Variants in PRELID2 observed in about 807,000 individuals in gnomAD.
PRELID2 encodes PRELI domain containing 2, also known as PRELI domain-containing protein 2.
In PRELID2, 25 loss-of-function variants were observed where a neutral mutation model predicts 28.4. The ratio of observed to expected loss-of-function variants is 0.88; its 90% CI spans 0.64 to 1.23. The LOEUF is 1.23. PRELID2 is among the 50% of genes most tolerant of loss of function. PRELID2 has a pLI of 0.00. For synonymous variants in PRELID2, 76 were observed against 71.6 expected (o/e 1.06, Z -0.31); for missense variants, 201 against 214.4 (o/e 0.94, Z 0.39).
intron 1 of PRELID2, among the ~76,000 whole-genome samples, chr5:145,741,077 T>TAC: frequency 2.5e-5 from 3 of 117,928 alleles, no homozygotes; most frequent in African/African-American, 6.9e-5. Context: ...TATTTATGTA[T>TAC]AAATAAAATA....
In PRELID2 at chr5:145,741,097, AT is replaced by A. The variant is rs1177665099; in HGVS notation, n.70+23833del. Reference sequence around the variant, plus strand: ...ATGTATAAATAAAATAAATATACATATTTTATGCTTTACATATAAATATATA... The same window carrying A: ...ATGTATAAATAAAATAAATATACATATTTATGCTTTACATATAAATATATA... On this transcript the variant is annotated intron_variant and non_coding_transcript_variant, in intron 1 of 2. Coordinates refer to the PRELID2 transcript ENST00000510259. 3.6e-3 allele frequency among the ~76,000 whole-genome samples: 428 copies of A among 118,258 alleles called. 1 individual carries two copies. Among genetic ancestry groups the A allele is most frequent in the African/African-American group, 0.013 (382 of 29,362 alleles). The allele number at this position is 118,258 out of a possible 152,430, so 77.6% of individuals were successfully genotyped here. A position where few individuals can be genotyped will look rare whatever the true frequency, so the allele number is the denominator to read the frequency against.
intron 1 of PRELID2, among the ~76,000 whole-genome samples, chr5:145,605,002 C>T (rs1221566564): frequency 2.0e-5 from 3 of 149,044 alleles, no homozygotes; most frequent in African/African-American, 4.9e-5. Flanking sequence ...GTCCTTTGCC[C>T]ACTTTTTAAT....
the PRELID2 span, among the ~76,000 whole-genome samples, chr5:145,383,107 TAAAAATAAAAA>T: frequency 6.6e-6 from 1 of 151,158 alleles, no homozygotes; most frequent in African/African-American, 2.4e-5. Context: ...ATAAATTTTT[TAAAAATAAAAA>T]ATTTACACTG....
chr5:145,784,510 T>C (rs1184638631), intron 5 of PRELID2, among the ~76,000 whole-genome samples: 1 of 152,170 alleles, frequency 6.6e-6, no homozygotes, highest in Admixed American at 6.5e-5. Flanking sequence ...CGGAATTCTC[T>C]TGGGAGAAAA....
rs149874442 is a variant in PRELID2, at chr5:145,669,856, T to C, written n.70+95075A>G. Among the ~76,000 whole-genome samples the C allele has an allele frequency of 3.3e-5, 5 of 152,224 alleles. No individual in the cohort carries two copies. In the East Asian group the frequency reaches 7.7e-4, roughly 24 times the overall value. Reference sequence around the variant, plus strand: ...CATTCTTCTGGTCTGGGATAAACCATCTCTTCCTCAGAGAAGCCTTTCCTG... The same window carrying C: ...CATTCTTCTGGTCTGGGATAAACCACCTCTTCCTCAGAGAAGCCTTTCCTG... On this transcript the variant is annotated intron_variant and non_coding_transcript_variant, in intron 1 of 2. Coordinates refer to the PRELID2 transcript ENST00000510259.
At chr5:145,769,084 G>A (rs963883366) in intron 5 of PRELID2, among the ~76,000 whole-genome samples, 1 of 152,084 alleles carries the variant, frequency 6.6e-6, no homozygotes, top group African/African-American at 2.4e-5. Context: ...GGCTTAAAGG[G>A]GCTAAATTTA....
chr5:145,604,090 T>C (rs1388725513), intron 1 of PRELID2, among the ~76,000 whole-genome samples: 1 of 152,108 alleles, frequency 6.6e-6, no homozygotes, highest in East Asian at 1.9e-4. Flanking sequence ...ATATTTATAT[T>C]TTTCTCTTTA....
intron 1 of PRELID2, among the ~76,000 whole-genome samples, chr5:145,708,616 T>G (rs1479845278): frequency 6.6e-6 from 1 of 152,212 alleles, no homozygotes; most frequent in Non-Finnish European, 1.5e-5. Flanking sequence ...TTTTCAACTA[T>G]TCTCTACATT....
At position 145,627,843 on chromosome 5, in the gene PRELID2, C is replaced by A. The variant is rs80268407; in HGVS notation, n.70+137088G>T. On this transcript the variant is annotated intron_variant and non_coding_transcript_variant, in intron 1 of 2. Coordinates refer to the PRELID2 transcript ENST00000510259. ...TATAATATTCACTCAACTCATCATGCTGACCCCTTTCCATTTCCTTATATG... is the reference window on the plus strand; with the variant it reads ...TATAATATTCACTCAACTCATCATGATGACCCCTTTCCATTTCCTTATATG... Among the ~76,000 whole-genome samples the A allele has an allele frequency of 5.9e-3, 901 of 152,284 alleles. 12 individuals are homozygous for A. The highest frequency in any genetic ancestry group is 0.02 in the African/African-American group (834 of 41,544).
chr5:145,589,558 T>A (rs1375766613), intron 1 of PRELID2, among the ~76,000 whole-genome samples: 1 of 152,128 alleles, frequency 6.6e-6, no homozygotes, highest in Non-Finnish European at 1.5e-5. Context: ...AAGGCTGAAT[T>A]TTTTTTCATA....
intron 1 of PRELID2, among the ~76,000 whole-genome samples, chr5:145,609,288 A>T (rs531311173): frequency 6.6e-6 from 1 of 152,328 alleles, no homozygotes; most frequent in African/African-American, 2.4e-5. Context: ...ACTAGTTAAG[A>T]ACCATTGCTG....
chr5:145,417,826 A>C, the PRELID2 span, among the ~76,000 whole-genome samples: 1 of 152,210 alleles, frequency 6.6e-6, no homozygotes, highest in African/African-American at 2.4e-5. Context: ...ATTCCTCTTG[A>C]AAACCAGCAT....
intron 1 of PRELID2, among the ~76,000 whole-genome samples, chr5:145,666,404 C>T (rs1478374441): frequency 2.0e-5 from 3 of 152,042 alleles, no homozygotes; most frequent in African/African-American, 7.2e-5. Context: ...TACAGAGCTA[C>T]AATGGGAAAG....
chr5:145,270,834 G>C, the PRELID2 span, among the ~76,000 whole-genome samples: 9,928 of 152,048 alleles, frequency 0.065, 1,046 homozygotes, highest in African/African-American at 0.23. Context: ...TTCCCACTTT[G>C]AATTGCCCTG....
At chr5:145,520,773 G>C (rs147224926) in intron 1 of PRELID2, among the ~76,000 whole-genome samples, 17 of 152,206 alleles carry the variant, frequency 1.1e-4, no homozygotes, top group African/African-American at 3.9e-4. Flanking sequence ...AAGCAGACAA[G>C]GATTGCCTGT....
intron 1 of PRELID2, among the ~76,000 whole-genome samples, chr5:145,501,115 T>C (rs1264926963): frequency 6.6e-6 from 1 of 152,154 alleles, no homozygotes; most frequent in Non-Finnish European, 1.5e-5. Context: ...GCCAAACTCA[T>C]AGTCCAGGCC....
intron 1 of PRELID2, among the ~76,000 whole-genome samples, chr5:145,521,195 C>A (rs1206365214): frequency 6.6e-6 from 1 of 152,134 alleles, no homozygotes; most frequent in Non-Finnish European, 1.5e-5. Flanking sequence ...TCTTTTGTGG[C>A]ATATTTAAAT....
At chr5:145,637,003 C>G (rs1754012230) in intron 1 of PRELID2, among the ~76,000 whole-genome samples, 1 of 151,960 alleles carries the variant, frequency 6.6e-6, no homozygotes, top group African/African-American at 2.4e-5. Context: ...CAAGGCAGAA[C>G]ACAGTCAAGC....
chr5:145,259,520 C>T, the PRELID2 span, among the ~76,000 whole-genome samples: 649 of 152,288 alleles, frequency 4.3e-3, 7 homozygotes, highest in East Asian at 0.031. Context: ...ATTATTTTGG[C>T]GCTTTAAGAT....
Sources: gnomAD v4.1 joint callset for allele counts (sites outside exome capture counted in the v4.1 genomes callset) on GRCh38, gnomAD v4.1.1 for gene constraint, MANE v1.5 for transcripts, NCBI Gene and HGNC (gene_info 2026-07-23, HGNC 2026-07-21) for gene names.